Variants in WDR70 observed in about 807,000 individuals in gnomAD.
WDR70 encodes WD repeat domain 70.
In WDR70, 53 loss-of-function variants were observed where a neutral mutation model predicts 88.6. The observed-to-expected ratio is 0.60, with a 90% CI of 0.48 to 0.75. WDR70 has a LOEUF of 0.75. Among genes scored for constraint, WDR70 ranks in the 30% least tolerant of loss-of-function variants. The pLI is 0.00. For missense variants in WDR70, 610 were observed against 823.2 expected, an observed-to-expected ratio of 0.74 and a Z score of 3.17; for synonymous variants, 280 against 270.0, an observed-to-expected ratio of 1.04 and a Z score of -0.36.
At position 37,444,801 on chromosome 5, in the gene WDR70, G is replaced by A. The variant is rs182778366; in HGVS notation, c.686+1429G>A. On this transcript the variant is annotated intron_variant, in intron 7 of 17. Coordinates refer to ENST00000265107, the MANE Select transcript of WDR70 (RefSeq NM_018034.4). ...ATGGACTAGGGGTAGCGTGGAGGTC[G>A]GGGTGGTGGGATGGTTTCTGGATGA... Among the ~76,000 whole-genome samples, 7 of 152,100 alleles carry A rather than the reference G, an allele frequency of 4.6e-5. No individual in the cohort carries two copies. In the East Asian group the frequency reaches 1.2e-3, roughly 25 times the overall value.
chr5:37,612,338 T>C lies in WDR70; in HGVS notation c.1092+7100T>C, dbSNP rs375987393. On this transcript the variant is annotated intron_variant, in intron 10 of 17. Transcript: ENST00000265107. ...GTCTACTGCATAGTCCTACAGCATG[T>C]TTTATAGATGACATCTGAGATATAC... 5.3e-5 allele frequency among the ~76,000 whole-genome samples: 8 copies of C among 152,224 alleles called. No individual in the cohort carries two copies. In the East Asian group the frequency reaches 9.7e-4, roughly 18 times the overall value.
In WDR70 at chr5:37,396,504, A is replaced by G; in HGVS notation, c.426A>G (p.Leu142=). ...TGGAGGAAGATATCCTCGGTCCTTT[A>G]CCTCCACCTCTTAATGAAGAAGAAG... is the stretch of plus-strand genomic sequence containing the variant. ...NFMEEDILGP[L]PPPLNEEEEE... is the part of the protein sequence containing the mutation. The change falls in exon 5 of 18, where the codon TTA becomes TTG. Residue 142 remains leucine, a synonymous_variant. Coordinates refer to ENST00000265107, the MANE Select transcript of WDR70 (RefSeq NM_018034.4). The G allele has an allele frequency of 6.2e-7, 1 of 1,613,888 alleles. No individual in the cohort carries two copies. The highest frequency in any genetic ancestry group is 8.5e-7 in the Non-Finnish European group (1 of 1,179,986).
At chr5:37,561,020 A>G (rs1561902087) in intron 9 of WDR70, among the ~76,000 whole-genome samples, 1 of 152,030 alleles carries the variant, frequency 6.6e-6, no homozygotes, top group Non-Finnish European at 1.5e-5. Context: ...TGAGCCGGCC[A>G]TGTGGTACAC....
chr5:37,743,287 A>G (rs982200689), intron 17 of WDR70, among the ~76,000 whole-genome samples: 17 of 152,226 alleles, frequency 1.1e-4, no homozygotes, highest in African/African-American at 3.6e-4. Flanking sequence ...GGAACTGTGC[A>G]ACCCACGGAT....
chr5:37,514,147 T>A (rs1188831006), intron 8 of WDR70, among the ~76,000 whole-genome samples: 1 of 151,320 alleles, frequency 6.6e-6, no homozygotes, highest in Non-Finnish European at 1.5e-5. Flanking sequence ...TCTAAGTAGC[T>A]GGAACTATAG....
chr5:37,437,586 A>G lies in WDR70; in HGVS notation c.493-336A>G, dbSNP rs1750506922. ...ATAAATTTCTAGTTTTTCTTTATGA[A>G]TTATACTATTAACAGCTACTGATTT... On this transcript the variant is annotated intron_variant, in intron 5 of 17. Transcript: ENST00000265107. Among the ~76,000 whole-genome samples the G allele has an allele frequency of 2.0e-5, 3 of 152,158 alleles. No homozygotes were observed. The South Asian group carries it at 6.2e-4, about 31-fold the overall frequency.
At chr5:37,487,600 AATAT>A (rs70978824) in intron 8 of WDR70, among the ~76,000 whole-genome samples, 6,236 of 84,654 alleles carry the variant, frequency 0.074, 543 homozygotes, top group African/African-American at 0.19. Flanking sequence ...TGTATATATA[AATAT>A]ATATATATAT....
intron 9 of WDR70, among the ~76,000 whole-genome samples, chr5:37,604,782 G>C (rs1387947234): frequency 6.6e-6 from 1 of 152,212 alleles, no homozygotes. Flanking sequence ...AGGCCACTTA[G>C]AGAGGGACAG....
chr5:37,732,524 T>C (rs1748175454), intron 17 of WDR70, among the ~76,000 whole-genome samples: 1 of 152,096 alleles, frequency 6.6e-6, no homozygotes, highest in Admixed American at 6.6e-5. Flanking sequence ...TTCAAGAAAT[T>C]TTTATCTTTG....
At chr5:37,632,285 A>G (rs1464554610) in intron 10 of WDR70, among the ~76,000 whole-genome samples, 1 of 152,180 alleles carries the variant, frequency 6.6e-6, no homozygotes, top group Admixed American at 6.5e-5. Context: ...TAAATGACTT[A>G]CTGGTTTATG....
At position 37,467,290 on chromosome 5, in the gene WDR70, T is replaced by G. The variant is rs192387042; in HGVS notation, c.687-12544T>G. Among the ~76,000 whole-genome samples the G allele has an allele frequency of 1.4e-3, 219 of 151,224 alleles. 1 individual carries two copies. The highest frequency in any genetic ancestry group is 2.8e-3 in the Non-Finnish European group (189 of 67,866). ...TTCTCACAGTTCTGGAGGCTGGAAG[T>G]GCAAGATCAAAGTGTTGGCAAATTA... is the stretch of plus-strand genomic sequence containing the variant. On this transcript the variant is annotated intron_variant, in intron 7 of 17. Coordinates refer to ENST00000265107, the MANE Select transcript of WDR70 (RefSeq NM_018034.4).
chr5:37,402,027 T>C lies in WDR70; in HGVS notation c.492+5457T>C, dbSNP rs573742187. Reference sequence around the variant, plus strand: ...CAATGCTATAGAACACTAGAACTTATTCTTTCTGTCTAGCTGTAATTTTGT... The same window carrying C: ...CAATGCTATAGAACACTAGAACTTACTCTTTCTGTCTAGCTGTAATTTTGT... On this transcript the variant is annotated intron_variant, in intron 5 of 17. Transcript: ENST00000265107. 7.2e-5 allele frequency among the ~76,000 whole-genome samples: 11 copies of C among 152,328 alleles called. No homozygotes were observed. The South Asian group carries it at 2.1e-3, about 29-fold the overall frequency.
At chr5:37,612,660 C>T (rs958379099) in intron 10 of WDR70, among the ~76,000 whole-genome samples, 12 of 152,122 alleles carry the variant, frequency 7.9e-5, no homozygotes, top group African/African-American at 2.9e-4. Flanking sequence ...GAACATCTTA[C>T]GCATCCAAGT....
chr5:37,729,804 A>AG (rs1178229625), intron 17 of WDR70, among the ~76,000 whole-genome samples: 3 of 152,080 alleles, frequency 2.0e-5, no homozygotes, highest in Non-Finnish European at 4.4e-5. Context: ...CTATGGTTCT[A>AG]GGAGTCAGAG....
rs776143816 is a variant in WDR70, at chr5:37,528,912, T to TTTG, written c.917+12324_917+12325insGTT. Among the ~76,000 whole-genome samples the TTTG allele has an allele frequency of 7.2e-4, 107 of 148,500 alleles. 1 individual carries two copies. Among genetic ancestry groups the TTTG allele is most frequent in the African/African-American group, 1.7e-3 (70 of 41,122 alleles). ...CTAAGCCAATGTCTAGAGGGGGTTTTTTTTTTTTTTTGATGTTATCTTGTA... is the reference window on the plus strand; with the variant it reads ...CTAAGCCAATGTCTAGAGGGGGTTTTTTGTTTTTTTTTTTGATGTTATCTTGTA... On this transcript the variant is annotated intron_variant, in intron 9 of 17. Coordinates refer to ENST00000265107, the MANE Select transcript of WDR70 (RefSeq NM_018034.4).
rs186706004 is a variant in WDR70, at chr5:37,388,089, A to G, written c.176-3911A>G. The stretch of plus-strand genomic sequence containing the variant: ...AATGTTTTTTATGTTCTTGAAAGCT[A>G]TAAGTATGTGTAGGACATATGAAAT... On this transcript the variant is annotated intron_variant, in intron 3 of 17. Coordinates refer to ENST00000265107, the MANE Select transcript of WDR70 (RefSeq NM_018034.4). Among the ~76,000 whole-genome samples, 73 of 152,148 alleles carry G rather than the reference A, an allele frequency of 4.8e-4. 1 individual carries two copies. The highest frequency in any genetic ancestry group is 9.2e-4 in the Admixed American group (14 of 15,252).
chr5:37,530,349 C>G (rs1741443838), intron 9 of WDR70, among the ~76,000 whole-genome samples: 1 of 152,088 alleles, frequency 6.6e-6, no homozygotes, highest in Admixed American at 6.6e-5. Flanking sequence ...TTCCCTCTTT[C>G]TCTATCCTGT....
intron 9 of WDR70, among the ~76,000 whole-genome samples, chr5:37,535,244 C>A (rs1741629916): frequency 6.6e-6 from 1 of 151,086 alleles, no homozygotes; most frequent in South Asian, 2.1e-4. Flanking sequence ...TAAGTTGAGG[C>A]TTAAATTATG....
intron 8 of WDR70, among the ~76,000 whole-genome samples, chr5:37,513,267 C>T (rs1397744649): frequency 6.6e-6 from 1 of 151,986 alleles, no homozygotes; most frequent in Non-Finnish European, 1.5e-5. Context: ...CATAGAGGAC[C>T]AGGGAATACT....
Sources: gnomAD v4.1 joint callset for allele counts (sites outside exome capture counted in the v4.1 genomes callset) on GRCh38, gnomAD v4.1.1 for gene constraint, MANE v1.5 for transcripts, NCBI Gene and HGNC (gene_info 2026-07-23, HGNC 2026-07-21) for gene names.